Variants in ME1 observed in about 807,000 individuals in gnomAD.
ME1 encodes the protein malic enzyme 1, also known as NADP-dependent malic enzyme.
Under a neutral mutation model 66.4 loss-of-function variants are expected in ME1, and 74 were observed. The observed-to-expected ratio is 1.11, with a 90% CI of 0.92 to 1.35. The LOEUF (loss-of-function observed/expected upper bound fraction) is 1.35, where lower values mean the gene tolerates loss of function less well. Ranked by LOEUF, ME1 falls within the 40% of genes most tolerant of loss-of-function variation. ME1 has a pLI of 0.00. For synonymous variants in ME1, 251 were observed against 235.6 expected (o/e 1.07, Z -0.60); for missense variants, 750 against 694.1 (o/e 1.08, Z -0.90).
intron 3 of ME1, chr6:83,393,232 C>G: frequency 8.8e-7 from 1 of 1,137,946 alleles, no homozygotes; most frequent in Non-Finnish European, 1.3e-6. Flanking sequence ...CTGGGCTACT[C>G]TGAGCACCAG....
At chr6:83,383,369 AT>A (rs1769444863) in intron 3 of ME1, among the ~76,000 whole-genome samples, 1 of 151,926 alleles carries the variant, frequency 6.6e-6, no homozygotes, top group Non-Finnish European at 1.5e-5. Flanking sequence ...CAGCTCAACT[AT>A]TGTTTCCAAA....
At chr6:83,219,650 G>A (rs1790049412) in intron 12 of ME1, among the ~76,000 whole-genome samples, 1 of 151,964 alleles carries the variant, frequency 6.6e-6, no homozygotes, top group African/African-American at 2.4e-5. Context: ...CTACGCTGGA[G>A]TGTAGGCAAT....
chr6:83,348,371 T>C (rs762200523), intron 4 of ME1, among the ~76,000 whole-genome samples: 1 of 152,204 alleles, frequency 6.6e-6, no homozygotes, highest in Admixed American at 6.5e-5. Flanking sequence ...ATATCGTTGA[T>C]AATATATACT....
chr6:83,216,745 A>G (rs1358101780), intron 12 of ME1, 149 bp from the exon 13 acceptor site: 6 of 555,574 alleles, frequency 1.1e-5, no homozygotes, highest in Admixed American at 3.7e-5. Flanking sequence ...CCCCACTTCT[A>G]TCAACAAAGA....
chr6:83,237,287 G>GA (rs1790428064), intron 9 of ME1, among the ~76,000 whole-genome samples: 4 of 45,860 alleles, frequency 8.7e-5, no homozygotes, highest in Admixed American at 2.8e-4. Context: ...AAGGAAGGAA[G>GA]GAAGGAAAGA....
At chr6:83,280,682 C>T (rs1767271560) in intron 6 of ME1, among the ~76,000 whole-genome samples, 1 of 151,984 alleles carries the variant, frequency 6.6e-6, no homozygotes, top group Non-Finnish European at 1.5e-5. Flanking sequence ...AAAATGCTGC[C>T]CATAAAATTA....
chr6:83,313,072 A>C (rs1767961347), intron 6 of ME1, among the ~76,000 whole-genome samples: 1 of 152,138 alleles, frequency 6.6e-6, no homozygotes, highest in South Asian at 2.1e-4. Flanking sequence ...GTACTCCTTA[A>C]TAAACTCTAT....
intron 5 of ME1, among the ~76,000 whole-genome samples, chr6:83,317,000 T>C (rs1768048290): frequency 1.3e-5 from 2 of 151,440 alleles, no homozygotes; most frequent in South Asian, 4.1e-4. Flanking sequence ...TAACCTAGAA[T>C]AGAGAAAATT....
At chr6:83,345,383 T>C (rs1480576597) in intron 5 of ME1, among the ~76,000 whole-genome samples, 1 of 152,222 alleles carries the variant, frequency 6.6e-6, no homozygotes, top group Non-Finnish European at 1.5e-5. Flanking sequence ...GTTAAAAACA[T>C]AACTGTTTAA....
chr6:83,220,849 ACT>A (rs1790079057), intron 12 of ME1, among the ~76,000 whole-genome samples: 1 of 151,940 alleles, frequency 6.6e-6, no homozygotes, highest in African/African-American at 2.4e-5. Context: ...TATATGGAAG[ACT>A]CTCTGTCTTT....
At chr6:83,405,929 G>A (rs1263526295) in intron 2 of ME1, among the ~76,000 whole-genome samples, 1 of 152,022 alleles carries the variant, frequency 6.6e-6, no homozygotes, top group Non-Finnish European at 1.5e-5. Flanking sequence ...CACCGTTTTA[G>A]CCGGGATGGT....
At chr6:83,347,931 T>C (rs1374478402) in intron 4 of ME1, among the ~76,000 whole-genome samples, 1 of 152,200 alleles carries the variant, frequency 6.6e-6, no homozygotes, top group African/African-American at 2.4e-5. Flanking sequence ...AACCCACATA[T>C]GTTAATTCCT....
At chr6:83,229,967 C>T (rs558507445) in intron 9 of ME1, among the ~76,000 whole-genome samples, 1 of 152,134 alleles carries the variant, frequency 6.6e-6, no homozygotes, top group South Asian at 2.1e-4. Context: ...GAACTACAGG[C>T]ATGCACCACC....
chr6:83,278,386 T>C (rs1019862268), intron 6 of ME1, among the ~76,000 whole-genome samples: 2 of 152,164 alleles, frequency 1.3e-5, no homozygotes, highest in African/African-American at 4.8e-5. Flanking sequence ...TGAGGAAAAG[T>C]CCCCCTTGTG....
intron 6 of ME1, among the ~76,000 whole-genome samples, chr6:83,284,199 C>T (rs1207555878): frequency 2.0e-5 from 3 of 151,790 alleles, no homozygotes; most frequent in Non-Finnish European, 2.9e-5. Flanking sequence ...AAGTTGCAAC[C>T]CTAATAAGAA....
At chr6:83,259,819 C>G in intron 6 of ME1, among the ~76,000 whole-genome samples, 1 of 151,374 alleles carries the variant, frequency 6.6e-6, no homozygotes, top group Non-Finnish European at 1.5e-5. Flanking sequence ...TTATATTTTA[C>G]TGTTACCTCT....
chr6:83,386,726 C>T lies in ME1; in HGVS notation c.362+11641G>A, dbSNP rs752080878. Among the ~76,000 whole-genome samples the T allele has an allele frequency of 8.7e-4, 132 of 152,006 alleles. 1 individual carries two copies. The highest frequency in any genetic ancestry group is 1.1e-3 in the Non-Finnish European group (73 of 67,984). ...CCCCAAAATTCATGTATTTTGAAAT[C>T]CTGACCCCCAATATGATGGTATTAG... On this transcript the variant is annotated intron_variant, in intron 3 of 13. Coordinates refer to ENST00000369705, the MANE Select transcript of ME1 (RefSeq NM_002395.6).
rs564463065 is a variant in ME1 at position 83,334,137 on chromosome 6, G to C, written c.600+12036C>G. ...CCGTGCGCGAGCCGAAGCAGGTCGA[G>C]GCATTGCCTCACCTGGGAAGCGCAA... On this transcript the variant is annotated intron_variant, in intron 5 of 13. Coordinates refer to ENST00000369705, the MANE Select transcript of ME1 (RefSeq NM_002395.6). Among the ~76,000 whole-genome samples, 409 of 152,156 alleles carry C rather than the reference G, an allele frequency of 2.7e-3. 4 individuals carry two copies. The highest frequency in any genetic ancestry group is 9.3e-3 in the African/African-American group (384 of 41,482).
At chr6:83,327,560 C>T (rs1439191378) in intron 5 of ME1, among the ~76,000 whole-genome samples, 5 of 152,104 alleles carry the variant, frequency 3.3e-5, no homozygotes, top group East Asian at 1.9e-4. Flanking sequence ...AGGAAATTCC[C>T]GCCTAACAAA....
Sources: gnomAD v4.1 joint callset for allele counts (sites outside exome capture counted in the v4.1 genomes callset) on GRCh38, gnomAD v4.1.1 for gene constraint, MANE v1.5 for transcripts, NCBI Gene and HGNC (gene_info 2026-07-23, HGNC 2026-07-21) for gene names.